SNX18: variants seen among roughly 807,000 people sequenced by gnomAD.
SNX18 encodes sorting nexin-18.
In SNX18, 35 loss-of-function variants were observed where a neutral mutation model predicts 48.7. The ratio of observed to expected loss-of-function variants is 0.72; its 90% CI spans 0.55 to 0.95. SNX18 has a LOEUF of 0.95. SNX18 is among the 40% of genes least tolerant of loss of function. The pLI is 0.00. For missense variants in SNX18, 824 were observed against 871.0 expected (o/e 0.95, Z 0.68); for synonymous variants, 492 against 384.7 (o/e 1.28, Z -3.26).
At chr5:54,643,672 AAAC>A in the SNX18 span, 1 of 152,172 alleles carries the variant, frequency 6.6e-6, no homozygotes, top group Admixed American at 6.5e-5. Flanking sequence ...GAAGGAAAAC[AAAC>A]AACTACCTTT....
intron 1 of SNX18, 41 bp downstream of exon 1, chr5:54,519,614 G>C: frequency 1.2e-6 from 2 of 1,614,218 alleles, no homozygotes; most frequent in Non-Finnish European, 1.7e-6. Context: ...GGAGTGTATT[G>C]TGCAGGCTGA....
the SNX18 span, among the ~76,000 whole-genome samples, chr5:54,618,922 T>C: frequency 6.6e-6 from 1 of 151,952 alleles, no homozygotes; most frequent in East Asian, 1.9e-4. Context: ...GCATAATAAA[T>C]TCGAGTTTAA....
the SNX18 span, among the ~76,000 whole-genome samples, chr5:54,575,333 G>A: frequency 6.6e-6 from 1 of 150,970 alleles, no homozygotes; most frequent in Non-Finnish European, 1.5e-5. Context: ...TTGAGCTGAA[G>A]GCAGTTGAGA....
At chr5:54,646,027 CTT>C in the SNX18 span, 1 of 152,180 alleles carries the variant, frequency 6.6e-6, no homozygotes, top group East Asian at 1.9e-4. Context: ...GGTTGGGAAA[CTT>C]TTCTGGCATT....
At chr5:54,558,362 C>T in the SNX18 span, among the ~76,000 whole-genome samples, 5 of 152,002 alleles carry the variant, frequency 3.3e-5, no homozygotes, top group African/African-American at 1.2e-4. Flanking sequence ...TTATTTTTTC[C>T]TCCTTCCCTC....
the SNX18 span, among the ~76,000 whole-genome samples, chr5:54,591,661 A>C: frequency 6.6e-6 from 1 of 152,232 alleles, no homozygotes; most frequent in Non-Finnish European, 1.5e-5. Context: ...GTAGAAAGAG[A>C]AATATCTTTT....
At chr5:54,609,643 G>A in the SNX18 span, among the ~76,000 whole-genome samples, 1 of 151,978 alleles carries the variant, frequency 6.6e-6, no homozygotes, top group Non-Finnish European at 1.5e-5. Context: ...CCCTGCAAAA[G>A]GGCTGAGATA....
chr5:54,540,398 A>G (rs951324595), intron 1 of SNX18, among the ~76,000 whole-genome samples: 2 of 151,804 alleles, frequency 1.3e-5, no homozygotes, highest in Admixed American at 6.6e-5. Context: ...TGTATTTTTC[A>G]TAGGGATGGG....
the SNX18 span, among the ~76,000 whole-genome samples, chr5:54,646,320 T>G: frequency 6.6e-6 from 1 of 152,222 alleles, no homozygotes; most frequent in Non-Finnish European, 1.5e-5. Context: ...TAGGGGCTGA[T>G]TTCCTCTTCT....
At chr5:54,583,234 C>G in the SNX18 span, among the ~76,000 whole-genome samples, 1 of 152,208 alleles carries the variant, frequency 6.6e-6, no homozygotes, top group East Asian at 1.9e-4. Flanking sequence ...ACCTCAGCCT[C>G]CTAAAGTGCT....
At chr5:54,635,144 G>A in the SNX18 span, among the ~76,000 whole-genome samples, 7 of 151,710 alleles carry the variant, frequency 4.6e-5, no homozygotes, top group Non-Finnish European at 2.9e-5. Flanking sequence ...CACATTTTGT[G>A]TTTTTTGTGT....
chr5:54,646,648 T>C, the SNX18 span, among the ~76,000 whole-genome samples: 1 of 152,022 alleles, frequency 6.6e-6, no homozygotes, highest in Non-Finnish European at 1.5e-5. Context: ...CAGCAGAAAA[T>C]GATGCAGGAA....
chr5:54,646,544 C>A, the SNX18 span, among the ~76,000 whole-genome samples: 1 of 152,222 alleles, frequency 6.6e-6, no homozygotes, highest in African/African-American at 2.4e-5. Flanking sequence ...GAAGAATTCA[C>A]AAGTTAGCAA....
chr5:54,615,119 G>A, the SNX18 span, among the ~76,000 whole-genome samples: 49 of 152,256 alleles, frequency 3.2e-4, no homozygotes, highest in Non-Finnish European at 5.0e-4. Context: ...GAGAGGTCTG[G>A]GAGGAAGCCT....
At chr5:54,603,247 TATA>T in the SNX18 span, among the ~76,000 whole-genome samples, 12 of 149,650 alleles carry the variant, frequency 8.0e-5, no homozygotes, top group African/African-American at 1.2e-4. Context: ...TATATATATA[TATA>T]TTTTTTTAGA....
At chr5:54,561,651 A>G in the SNX18 span, among the ~76,000 whole-genome samples, 1 of 151,634 alleles carries the variant, frequency 6.6e-6, no homozygotes, top group South Asian at 2.1e-4. Context: ...GCCCCCTTTT[A>G]TTATCATAAA....
At chr5:54,646,179 C>A in the SNX18 span, among the ~76,000 whole-genome samples, 1 of 152,172 alleles carries the variant, frequency 6.6e-6, no homozygotes, top group South Asian at 2.1e-4. Context: ...TTTTCTCCTA[C>A]TTTTTATGGA....
chr5:54,646,026 A>G, the SNX18 span: 1 of 152,154 alleles, frequency 6.6e-6, no homozygotes, highest in East Asian at 1.9e-4. Flanking sequence ...TGGTTGGGAA[A>G]CTTTTCTGGC....
the SNX18 span, among the ~76,000 whole-genome samples, chr5:54,624,131 G>C: frequency 6.6e-6 from 1 of 152,158 alleles, no homozygotes; most frequent in Non-Finnish European, 1.5e-5. Context: ...AGCATCTTAA[G>C]AGATCAAACT....
Sources: gnomAD v4.1 joint callset for allele counts (sites outside exome capture counted in the v4.1 genomes callset) on GRCh38, gnomAD v4.1.1 for gene constraint, MANE v1.5 for transcripts, NCBI Gene and HGNC (gene_info 2026-07-23, HGNC 2026-07-21) for gene names.